CADM1: variants seen among roughly 807,000 people sequenced by gnomAD.
CADM1 encodes the protein cell adhesion molecule 1.
Under a neutral mutation model 53.1 loss-of-function variants are expected in CADM1, and 15 were observed. The observed-to-expected ratio is 0.28, with a 90% CI of 0.19 to 0.44. CADM1 has a LOEUF of 0.44. Ranked by LOEUF, CADM1 falls within the 20% of genes least tolerant of loss-of-function variation. The probability of loss-of-function intolerance (pLI) is 1.00; values close to 1 mark genes in which losing one functional copy is unlikely to be tolerated. For synonymous variants in CADM1, 281 were observed against 243.0 expected, an observed-to-expected ratio of 1.16 and a Z score of -1.45; for missense variants, 434 against 611.3, an observed-to-expected ratio of 0.71 and a Z score of 3.06.
intron 1 of CADM1, among the ~76,000 whole-genome samples, chr11:115,269,243 G>A (rs1168703149): frequency 6.6e-6 from 1 of 151,990 alleles, no homozygotes; most frequent in Non-Finnish European, 1.5e-5. Flanking sequence ...GGCCCCAAGG[G>A]GTCATCAGAG....
At chr11:115,376,467 G>A (rs1946440722) in intron 1 of CADM1, among the ~76,000 whole-genome samples, 1 of 152,086 alleles carries the variant, frequency 6.6e-6, no homozygotes, top group Admixed American at 6.6e-5. Context: ...TTCAAATACA[G>A]GGAGAAGACA....
intron 1 of CADM1, among the ~76,000 whole-genome samples, chr11:115,434,147 T>G (rs1478504650): frequency 2.0e-5 from 3 of 152,198 alleles, no homozygotes; most frequent in Non-Finnish European, 4.4e-5. Flanking sequence ...GGCTTCCCCA[T>G]GTCTATGACT....
At chr11:115,314,151 C>T (rs1220297731) in intron 1 of CADM1, among the ~76,000 whole-genome samples, 8 of 71,134 alleles carry the variant, frequency 1.1e-4, no homozygotes, top group Admixed American at 1.7e-4. Context: ...CCTGTACAAA[C>T]GCCACCACTA....
intron 1 of CADM1, among the ~76,000 whole-genome samples, chr11:115,424,397 A>T (rs1947835261): frequency 6.6e-6 from 1 of 152,244 alleles, no homozygotes; most frequent in African/African-American, 2.4e-5. Flanking sequence ...ATATTTTGGT[A>T]GAATTCTCAG....
At chr11:115,278,611 A>G (rs1211129049) in intron 1 of CADM1, among the ~76,000 whole-genome samples, 1 of 152,236 alleles carries the variant, frequency 6.6e-6, no homozygotes, top group Non-Finnish European at 1.5e-5. Flanking sequence ...GGAACAGGGT[A>G]AAGAGGTACC....
At position 115,403,380 on chromosome 11, in the gene CADM1, GGTT is replaced by G. The variant is rs756230654; in HGVS notation, c.124+100888_124+100890del. 9.2e-5 allele frequency among the ~76,000 whole-genome samples: 14 copies of G among 152,128 alleles called. 1 individual carries two copies. The highest frequency in any genetic ancestry group is 1.9e-4 in the Non-Finnish European group (13 of 68,022). On this transcript the variant is annotated intron_variant, in intron 1 of 11. Coordinates refer to ENST00000331581, the MANE Select transcript of CADM1 (RefSeq NM_001301043.2). Reference sequence around the variant, plus strand: ...TGAATCGAATCCTGGAGCAGCAAAAGGTTGTTAGTGAGAACAACTAAGAAAATT... The same window carrying G: ...TGAATCGAATCCTGGAGCAGCAAAAGGTTAGTGAGAACAACTAAGAAAATT...
chr11:115,181,886 C>T (rs1438409373), intron 10 of CADM1, among the ~76,000 whole-genome samples: 4 of 152,126 alleles, frequency 2.6e-5, no homozygotes, highest in Admixed American at 1.3e-4. Flanking sequence ...AAGATGCTGC[C>T]CAGGGGGGAA....
chr11:115,399,814 T>C (rs1456239787), intron 1 of CADM1, among the ~76,000 whole-genome samples: 1 of 102 alleles, frequency 9.8e-3, no homozygotes, highest in African/African-American at 0.056. Flanking sequence ...AAATCACATA[T>C]AGAAACCCTC....
At chr11:115,433,134 C>A (rs780271352) in intron 1 of CADM1, among the ~76,000 whole-genome samples, 13 of 152,156 alleles carry the variant, frequency 8.5e-5, no homozygotes, top group Non-Finnish European at 1.9e-4. Context: ...CACCCCCCCA[C>A]CCAAACATCA....
At chr11:115,473,105 T>C (rs1171185072) in intron 1 of CADM1, among the ~76,000 whole-genome samples, 1 of 152,204 alleles carries the variant, frequency 6.6e-6, no homozygotes, top group African/African-American at 2.4e-5. Context: ...AGCTGAATCA[T>C]CTTAGGCAAG....
intron 1 of CADM1, among the ~76,000 whole-genome samples, chr11:115,421,732 T>C (rs1038865278): frequency 5.9e-5 from 9 of 152,198 alleles, no homozygotes; most frequent in Non-Finnish European, 1.3e-4. Context: ...AGCATGCCAT[T>C]GCCAGAGAAA....
At chr11:115,288,847 T>A (rs1943800159) in intron 1 of CADM1, among the ~76,000 whole-genome samples, 1 of 152,214 alleles carries the variant, frequency 6.6e-6, no homozygotes, top group Non-Finnish European at 1.5e-5. Flanking sequence ...CTTTCCCACC[T>A]TGACCTTCCT....
At chr11:115,184,098 G>C (rs1244592441) in intron 10 of CADM1, among the ~76,000 whole-genome samples, 4 of 152,000 alleles carry the variant, frequency 2.6e-5, no homozygotes, top group East Asian at 1.9e-4. Flanking sequence ...CTATTTCAGA[G>C]AAAGCTTAGT....
At chr11:115,495,022 G>A (rs1242330948) in intron 1 of CADM1, among the ~76,000 whole-genome samples, 1 of 152,176 alleles carries the variant, frequency 6.6e-6, no homozygotes, top group East Asian at 1.9e-4. Flanking sequence ...TCTTCACAAT[G>A]AAGTTTGCTC....
chr11:115,231,384 G>A lies in CADM1; in HGVS notation c.531C>T (p.Ile177=). The A allele has an allele frequency of 6.2e-7, 1 of 1,614,140 alleles. No homozygotes were observed. The highest frequency in any genetic ancestry group is 8.5e-7 in the Non-Finnish European group (1 of 1,179,986). ...TAMASKPATT[I]RWFKGNTELK... Reference sequence around the variant, plus strand: ...GCTCTGTGTTCCCTTTGAACCACCTGATAGTCGTGGCTGGCTTGCTGGCCA... The same window carrying A: ...GCTCTGTGTTCCCTTTGAACCACCTAATAGTCGTGGCTGGCTTGCTGGCCA... The change falls in exon 4 of 12, where the codon ATC becomes ATT. Residue 177 remains isoleucine (I), a synonymous_variant. Coordinates refer to ENST00000331581, the MANE Select transcript of CADM1 (RefSeq NM_001301043.2).
At chr11:115,252,726 C>A (rs1431557156) in intron 1 of CADM1, among the ~76,000 whole-genome samples, 1 of 152,044 alleles carries the variant, frequency 6.6e-6, no homozygotes, top group African/African-American at 2.4e-5. Flanking sequence ...ATGCAATGCA[C>A]CCTTCTCCCT....
intron 1 of CADM1, among the ~76,000 whole-genome samples, chr11:115,310,693 G>C (rs534923902): frequency 7.9e-5 from 12 of 152,274 alleles, no homozygotes; most frequent in Non-Finnish European, 1.6e-4. Flanking sequence ...CCGCAGCTGT[G>C]TTCCAGGTAG....
At chr11:115,342,307 G>T (rs181803208) in intron 1 of CADM1, among the ~76,000 whole-genome samples, 7 of 152,294 alleles carry the variant, frequency 4.6e-5, no homozygotes, top group African/African-American at 1.7e-4. Context: ...CTCAAGAGTT[G>T]TATGTGTACT....
rs537149123 is a variant in CADM1 at position 115,325,496 on chromosome 11, T to G, written c.125-85076A>C. Among the ~76,000 whole-genome samples, 192 of 152,318 alleles carry G rather than the reference T, an allele frequency of 1.3e-3. 1 individual carries two copies. Among genetic ancestry groups the G allele is most frequent in the Non-Finnish European group, 2.2e-3 (150 of 68,022 alleles). ...CTTATGTCCTAGGTTTTCACTATTA[T>G]TCTCAAGATACAATTTTTATAACAA... On this transcript the variant is annotated intron_variant, in intron 1 of 11. Coordinates refer to ENST00000331581, the MANE Select transcript of CADM1 (RefSeq NM_001301043.2).
Sources: allele counts gnomAD v4.1 joint callset (sites outside exome capture counted in the v4.1 genomes callset), GRCh38; gene constraint gnomAD v4.1.1; transcripts MANE v1.5; gene names NCBI Gene and HGNC (gene_info 2026-07-23, HGNC 2026-07-21).